DIAPH3: variants seen among roughly 807,000 people sequenced by gnomAD.
DIAPH3 encodes the protein protein diaphanous homolog 3.
DIAPH3 carries 117 observed loss-of-function variants against 144.3 expected under a neutral mutation model. The observed-to-expected ratio is 0.81, with a 90% CI of 0.70 to 0.95. The LOEUF (loss-of-function observed/expected upper bound fraction) is 0.95, where lower values mean the gene tolerates loss of function less well. DIAPH3 is among the 40% of genes least tolerant of loss of function. The pLI is 0.00. For missense variants in DIAPH3, 1,421 were observed against 1,412.7 expected, an observed-to-expected ratio of 1.01 and a Z score of -0.09; for synonymous variants, 519 against 488.9, an observed-to-expected ratio of 1.06 and a Z score of -0.81.
At chr13:59,815,420 C>G (rs2040716633) in intron 24 of DIAPH3, among the ~76,000 whole-genome samples, 1 of 152,140 alleles carries the variant, frequency 6.6e-6, no homozygotes, top group African/African-American at 2.4e-5. Context: ...GATATCTTCA[C>G]AATTTTGAGT....
intron 17 of DIAPH3, 23 bp from the exon 18 acceptor site, chr13:59,924,893 T>C (rs1296462195): frequency 1.3e-6 from 2 of 1,591,866 alleles, no homozygotes; most frequent in South Asian, 2.2e-5. Context: ...GATAGATCCA[T>C]GTTAGGGGCA....
chr13:59,803,569 A>C (rs1302495811), intron 25 of DIAPH3, among the ~76,000 whole-genome samples: 1 of 152,226 alleles, frequency 6.6e-6, no homozygotes, highest in African/African-American at 2.4e-5. Flanking sequence ...AAGAAAGTTT[A>C]AAAAGAAAGA....
chr13:59,929,577 T>TTG (rs2047918129), intron 17 of DIAPH3, among the ~76,000 whole-genome samples: 1 of 145,352 alleles, frequency 6.9e-6, no homozygotes, highest in African/African-American at 2.6e-5. Context: ...TTTTTTTTTT[T>TTG]TTTGAGATAG....
intron 17 of DIAPH3, among the ~76,000 whole-genome samples, chr13:59,948,974 A>C (rs1319208630): frequency 6.6e-6 from 1 of 152,190 alleles, no homozygotes; most frequent in African/African-American, 2.4e-5. Context: ...ATCAGGTAGC[A>C]TCTCATCTAA....
At chr13:59,996,061 G>C (rs2052170718) in intron 9 of DIAPH3, among the ~76,000 whole-genome samples, 1 of 152,014 alleles carries the variant, frequency 6.6e-6, no homozygotes, top group Non-Finnish European at 1.5e-5. Flanking sequence ...AACAGTGAGA[G>C]AGTGATCAAC....
chr13:59,870,034 AAACG>A (rs2044160828), intron 21 of DIAPH3, among the ~76,000 whole-genome samples: 1 of 152,108 alleles, frequency 6.6e-6, no homozygotes, highest in South Asian at 2.1e-4. Flanking sequence ...GTTATATCTA[AAACG>A]TCATAATAAA....
At chr13:59,992,355 T>C (rs753330848) in intron 10 of DIAPH3, 118 bp downstream of exon 10, 258 of 1,114,710 alleles carry the variant, frequency 2.3e-4, no homozygotes, top group Non-Finnish European at 3.2e-4. Flanking sequence ...AAAATAGATT[T>C]TTTAACTCAA....
chr13:59,916,315 T>A (rs1309882657), intron 18 of DIAPH3, 66 bp from the exon 19 acceptor site: 2 of 1,192,062 alleles, frequency 1.7e-6, no homozygotes, highest in African/African-American at 3.1e-5. Flanking sequence ...CAGATGTAGT[T>A]CTATTTATAA....
intron 20 of DIAPH3, among the ~76,000 whole-genome samples, chr13:59,879,670 C>A (rs1257911697): frequency 6.6e-6 from 1 of 152,072 alleles, no homozygotes; most frequent in Non-Finnish European, 1.5e-5. Flanking sequence ...CCCAAATTAA[C>A]AATTTAGATG....
intron 14 of DIAPH3, among the ~76,000 whole-genome samples, chr13:59,978,471 T>G (rs1041368602): frequency 5.3e-5 from 8 of 151,602 alleles, no homozygotes; most frequent in Admixed American, 4.6e-4. Flanking sequence ...TAGACTAAAA[T>G]TCATAAGGAA....
intron 2 of DIAPH3, among the ~76,000 whole-genome samples, chr13:60,126,164 A>T (rs1212569603): frequency 6.6e-6 from 1 of 152,198 alleles, no homozygotes; most frequent in African/African-American, 2.4e-5. Flanking sequence ...GAATAGTAGA[A>T]TCAGGAAAAA....
intron 7 of DIAPH3, among the ~76,000 whole-genome samples, chr13:60,011,421 T>A (rs2053256911): frequency 6.6e-6 from 1 of 152,190 alleles, no homozygotes; most frequent in South Asian, 2.1e-4. Context: ...AAGAGAAATA[T>A]AATGTAAACC....
At chr13:59,878,362 T>C (rs1335714506) in intron 21 of DIAPH3, among the ~76,000 whole-genome samples, 1 of 152,150 alleles carries the variant, frequency 6.6e-6, no homozygotes, top group African/African-American at 2.4e-5. Context: ...AGAAAATTCA[T>C]GAAAGCCCCA....
At chr13:59,942,754 G>C (rs1234329454) in intron 17 of DIAPH3, among the ~76,000 whole-genome samples, 3 of 151,736 alleles carry the variant, frequency 2.0e-5, no homozygotes, top group Non-Finnish European at 2.9e-5. Context: ...ACAATTGAAG[G>C]GTTTTTTTCC....
At position 59,974,352 on chromosome 13, in the gene DIAPH3, C is replaced by T; in HGVS notation, c.1650G>A (p.Gln550=). ...AAATTCACTCAGAGTGGAATTTTAC[C>T]TGAGACTTAAAAGCTTGTAGCTCTG... The part of the protein sequence containing the change: ...LQAELQAFKS[Q]FGALPADCNI... Residue 550 remains glutamine, a splice_region_variant and synonymous_variant, in exon 15 of 28, where the codon CAG becomes CAA. Transcript: ENST00000400324. The T allele has an allele frequency of 6.2e-7, 1 of 1,611,668 alleles. No homozygotes were observed. Among genetic ancestry groups the T allele is most frequent in the Non-Finnish European group, 8.5e-7 (1 of 1,178,934 alleles).
At chr13:59,879,570 C>A in intron 20 of DIAPH3, 102 bp from the exon 21 acceptor site, 1 of 1,507,210 alleles carries the variant, frequency 6.6e-7, no homozygotes, top group East Asian at 2.3e-5. Flanking sequence ...ATGACAGTAC[C>A]AAAGAAGAAA....
intron 4 of DIAPH3, among the ~76,000 whole-genome samples, chr13:60,066,088 T>C (rs2056952332): frequency 1.3e-5 from 2 of 152,118 alleles, no homozygotes; most frequent in South Asian, 2.1e-4. Context: ...TTAAGTGTCA[T>C]TTGCACTCAA....
At position 59,860,777 on chromosome 13, in the gene DIAPH3, T is replaced by C. The variant is rs544811083; in HGVS notation, c.2737+630A>G. ...AAAGAAAAAGAAAAAGAAAATTGAATTATTAAGGTAGTCAAAAAATTATAT... is the reference window on the plus strand; with the variant it reads ...AAAGAAAAAGAAAAAGAAAATTGAACTATTAAGGTAGTCAAAAAATTATAT... On this transcript the variant is annotated intron_variant, in intron 22 of 27. Coordinates refer to ENST00000400324, the MANE Select transcript of DIAPH3 (RefSeq NM_001042517.2). Among the ~76,000 whole-genome samples the C allele has an allele frequency of 1.9e-4, 29 of 152,120 alleles. No homozygotes were observed. In the South Asian group the frequency reaches 6.0e-3, roughly 32 times the overall value.
intron 4 of DIAPH3, among the ~76,000 whole-genome samples, chr13:60,069,963 T>C (rs929047095): frequency 6.6e-6 from 1 of 152,220 alleles, no homozygotes; most frequent in African/African-American, 2.4e-5. Context: ...ATTCAAGCTC[T>C]TTTTTGGCTC....
Sources: allele counts gnomAD v4.1 joint callset (sites outside exome capture counted in the v4.1 genomes callset), GRCh38; gene constraint gnomAD v4.1.1; transcripts MANE v1.5; gene names NCBI Gene and HGNC (gene_info 2026-07-23, HGNC 2026-07-21).